Variants in FRMD5 observed in about 807,000 individuals in gnomAD.
FRMD5 encodes the protein FERM domain-containing protein 5.
Under a neutral mutation model 69.0 loss-of-function variants are expected in FRMD5, and 20 were observed. That is an observed-to-expected ratio of 0.29 (90% CI 0.20 to 0.42). FRMD5 has a LOEUF of 0.42. Among genes scored for constraint, FRMD5 ranks in the 10% least tolerant of loss-of-function variants. The probability of loss-of-function intolerance (pLI) is 1.00; values close to 1 mark genes in which losing one functional copy is unlikely to be tolerated. For missense variants in FRMD5, 595 were observed against 708.6 expected, an observed-to-expected ratio of 0.84 and a Z score of 1.82; for synonymous variants, 271 against 260.1, an observed-to-expected ratio of 1.04 and a Z score of -0.40.
intron 10 of FRMD5, among the ~76,000 whole-genome samples, chr15:43,887,104 C>A (rs891886065): frequency 2.6e-5 from 4 of 152,142 alleles, no homozygotes; most frequent in African/African-American, 9.7e-5. Context: ...AGACAAGAGG[C>A]AAGGAGATTG....
intron 1 of FRMD5, among the ~76,000 whole-genome samples, chr15:44,019,526 C>T (rs1169245610): frequency 3.3e-5 from 5 of 151,044 alleles, no homozygotes; most frequent in Non-Finnish European, 5.9e-5. Context: ...ACCTCAGATC[C>T]GGAGTTCGAG....
chr15:44,013,874 T>TTTGG (rs1890837322), intron 1 of FRMD5, among the ~76,000 whole-genome samples: 1 of 150,626 alleles, frequency 6.6e-6, no homozygotes, highest in African/African-American at 2.4e-5. Flanking sequence ...TTTTTTTTTT[T>TTTGG]GAGACAGAGT....
chr15:44,000,735 C>G (rs141500197), intron 1 of FRMD5, among the ~76,000 whole-genome samples: 1 of 152,194 alleles, frequency 6.6e-6, no homozygotes, highest in Non-Finnish European at 1.5e-5. Flanking sequence ...GCTGGGATTA[C>G]AGGTGTGATC....
At chr15:43,875,566 C>T (rs894924804) in intron 13 of FRMD5, among the ~76,000 whole-genome samples, 9 of 151,144 alleles carry the variant, frequency 6.0e-5, no homozygotes, top group Non-Finnish European at 1.0e-4. Flanking sequence ...CAACTTCTGC[C>T]TCCCGGGTTC....
intron 1 of FRMD5, among the ~76,000 whole-genome samples, chr15:43,995,077 A>G: frequency 6.6e-6 from 1 of 152,206 alleles, no homozygotes; most frequent in East Asian, 1.9e-4. Flanking sequence ...AATTGGTTCC[A>G]GGACCCTTTG....
chr15:44,163,798 C>A (rs189869210), intron 1 of FRMD5, among the ~76,000 whole-genome samples: 1 of 152,314 alleles, frequency 6.6e-6, no homozygotes, highest in Admixed American at 6.5e-5. Flanking sequence ...ATCTCCCTCT[C>A]TTCTCTCTGT....
At chr15:43,935,653 G>A (rs2089748272) in intron 1 of FRMD5, among the ~76,000 whole-genome samples, 1 of 152,136 alleles carries the variant, frequency 6.6e-6, no homozygotes, top group Non-Finnish European at 1.5e-5. Flanking sequence ...TTTTCTGGAA[G>A]TGTGTGACTG....
In FRMD5 at chr15:43,871,871, C is replaced by G. The variant is rs1279579545; in HGVS notation, c.*2014G>C. On this transcript the variant is annotated 3_prime_UTR_variant, in exon 14 of 14. Transcript: ENST00000417257. ...TAAACAAGCAACCCTAGTGCCTCCA[C>G]TGGGAAGAGGTCCCAGATCTTTGAT... 6.6e-6 allele frequency: 1 copy of G among 152,206 alleles called. No individual in the cohort carries two copies. Among genetic ancestry groups the G allele is most frequent in the South Asian group, 2.1e-4 (1 of 4,834 alleles). 9.4% of individuals were successfully genotyped at this position (152,206 alleles called of 1,614,324 possible).
chr15:43,974,322 A>G (rs1375241692), intron 1 of FRMD5, among the ~76,000 whole-genome samples: 1 of 152,182 alleles, frequency 6.6e-6, no homozygotes, highest in African/African-American at 2.4e-5. Context: ...GGGATTACAG[A>G]AATTTCTGAA....
At chr15:44,186,821 T>C (rs954764147) in intron 1 of FRMD5, among the ~76,000 whole-genome samples, 1 of 152,260 alleles carries the variant, frequency 6.6e-6, no homozygotes, top group Admixed American at 6.5e-5. Flanking sequence ...TGCCGAACAG[T>C]GCTTTCTTGG....
At chr15:44,061,318 A>G (rs1893079716) in intron 1 of FRMD5, among the ~76,000 whole-genome samples, 1 of 152,168 alleles carries the variant, frequency 6.6e-6, no homozygotes, top group African/African-American at 2.4e-5. Flanking sequence ...ACAAGTCTCA[A>G]TGCATTTGGG....
At chr15:44,170,889 C>T (rs549080790) in intron 1 of FRMD5, among the ~76,000 whole-genome samples, 5 of 152,240 alleles carry the variant, frequency 3.3e-5, no homozygotes, top group African/African-American at 1.2e-4. Context: ...GACTTACTAT[C>T]GATTTTTACA....
Position 43,872,999 on chromosome 15 carries a change from A to C in FRMD5, c.*886T>G. The C allele has an allele frequency of 1.7e-6, 1 of 599,530 alleles. No homozygotes were observed. The highest frequency in any genetic ancestry group is 2.9e-6 in the Non-Finnish European group (1 of 346,826). The allele number at this position is 599,530 out of a possible 1,614,324, so 37.1% of individuals were successfully genotyped here. ...GCTTTCTCTTAACTACACTTTGTCC[A>C]ACATTTCTGACAGAACTATCTATCT... On this transcript the variant is annotated 3_prime_UTR_variant, in exon 14 of 14. Transcript: ENST00000417257.
At position 44,051,452 on chromosome 15, in the gene FRMD5, C is replaced by T. The variant is rs182926534; in HGVS notation, c.103-127143G>A. 6.7e-4 allele frequency among the ~76,000 whole-genome samples: 102 copies of T among 151,740 alleles called. 3 individuals carry two copies. Among genetic ancestry groups the T allele is most frequent in the Middle Eastern group, 6.8e-3 (2 of 292 alleles). The stretch of plus-strand genomic sequence containing the variant: ...AAGATATTACAGTTTTAAAGATTGA[C>T]AGTTGTAAACATAGTACAGACTTCC... On this transcript the variant is annotated intron_variant, in intron 1 of 13. Coordinates refer to ENST00000417257, the MANE Select transcript of FRMD5 (RefSeq NM_032892.5).
intron 1 of FRMD5, among the ~76,000 whole-genome samples, chr15:43,979,951 C>T (rs2090523430): frequency 6.6e-6 from 1 of 152,144 alleles, no homozygotes; most frequent in Admixed American, 6.5e-5. Flanking sequence ...AATTGGAGAA[C>T]AGAGTATTTA....
chr15:44,004,928 G>C (rs1890369915), intron 1 of FRMD5, among the ~76,000 whole-genome samples: 1 of 152,210 alleles, frequency 6.6e-6, no homozygotes, highest in Non-Finnish European at 1.5e-5. Context: ...CTACTCCAGT[G>C]ATCACATGAA....
Position 43,902,173 on chromosome 15 carries a change from A to C in FRMD5, c.639+2T>G. On this transcript the variant is annotated splice_donor_variant, in intron 7 of 13. Coordinates refer to ENST00000417257, the MANE Select transcript of FRMD5 (RefSeq NM_032892.5). LOFTEE classifies it high-confidence loss of function. The stretch of plus-strand genomic sequence containing the variant: ...ATGCAGTCTCCAACCAGGGGGTCTT[A>C]CCTTACATGGGTGAGGATCCACTCC... The C allele has an allele frequency of 6.2e-7, 1 of 1,612,090 alleles. No homozygotes were observed. Among genetic ancestry groups the C allele is most frequent in the Non-Finnish European group, 8.5e-7 (1 of 1,178,170 alleles).
intron 1 of FRMD5, among the ~76,000 whole-genome samples, chr15:44,054,708 G>A (rs1892799195): frequency 6.6e-6 from 1 of 152,114 alleles, no homozygotes; most frequent in African/African-American, 2.4e-5. Flanking sequence ...AACTGTGAGT[G>A]ATATGTCAGT....
At chr15:43,988,247 A>G (rs1400231789) in intron 1 of FRMD5, among the ~76,000 whole-genome samples, 1 of 152,162 alleles carries the variant, frequency 6.6e-6, no homozygotes, top group Non-Finnish European at 1.5e-5. Context: ...ACTAGCCACA[A>G]CATTCCCTTA....
Sources: gnomAD v4.1 joint callset for allele counts (sites outside exome capture counted in the v4.1 genomes callset) on GRCh38, gnomAD v4.1.1 for gene constraint, MANE v1.5 for transcripts, NCBI Gene and HGNC (gene_info 2026-07-23, HGNC 2026-07-21) for gene names.